LAMC1: variants seen among roughly 807,000 people sequenced by gnomAD.
The protein encoded by LAMC1 is laminin subunit gamma 1.
Under a neutral mutation model 173.6 loss-of-function variants are expected in LAMC1, and 38 were observed. The observed-to-expected ratio is 0.22, with a 90% CI of 0.17 to 0.29. The LOEUF (loss-of-function observed/expected upper bound fraction) is 0.29. Ranked by LOEUF, LAMC1 falls within the 10% of genes least tolerant of loss-of-function variation. The pLI is 1.00. For synonymous variants in LAMC1, 746 were observed against 749.1 expected (o/e 1.00, Z 0.07); for missense variants, 1,824 against 2,051.8 (o/e 0.89, Z 2.14).
chr1:183,024,009 A>T lies in LAMC1; in HGVS notation c.293A>T (p.His98Leu). ...CACCTGTGCGACGCCGGGCAGCCCC[A>T]CCTGCAGCACGGGGCAGCCTTCCTG... is the stretch of plus-strand genomic sequence containing the variant. Reference protein sequence around the residue: ...SCHLCDAGQPHLQHGAAFLTD... With the variant: ...SCHLCDAGQPLLQHGAAFLTD... Residue 98 changes from histidine to leucine, a missense_variant, in exon 1 of 28, where the codon CAC becomes CTC. By Grantham distance (99) the His-to-Leu change is moderately conservative (BLOSUM62 -3). Transcript: ENST00000258341. The T allele has an allele frequency of 2.5e-6, 4 of 1,613,042 alleles. No homozygotes were observed. The South Asian group carries it at 4.4e-5, about 18-fold the overall frequency.
rs78682173 is a variant in LAMC1 at position 183,047,160 on chromosome 1, G to T, written c.418+23026G>T. On this transcript the variant is annotated intron_variant, in intron 1 of 27. Transcript: ENST00000258341. Reference sequence around the variant, plus strand: ...GGTAAAATTAGCTACCAAATTAGTTGCTGTTCATACTGTTTGATGCAATAA... The same window carrying T: ...GGTAAAATTAGCTACCAAATTAGTTTCTGTTCATACTGTTTGATGCAATAA... 1.7e-3 allele frequency among the ~76,000 whole-genome samples: 254 copies of T among 152,178 alleles called. 1 individual carries two copies. Among genetic ancestry groups the T allele is most frequent in the African/African-American group, 5.8e-3 (240 of 41,542 alleles).
At position 183,131,393 on chromosome 1, in the gene LAMC1, C is replaced by G; in HGVS notation, c.3566+15C>G. On this transcript the variant is annotated intron_variant, in intron 20 of 27. Coordinates refer to ENST00000258341, the MANE Select transcript of LAMC1 (RefSeq NM_002293.4). Reference sequence around the variant, plus strand: ...CTTGCTGAACGGTAACTTCTAGATCCCTGTTTAATGGTTAAGTTGTGGCTT... The same window carrying G: ...CTTGCTGAACGGTAACTTCTAGATCGCTGTTTAATGGTTAAGTTGTGGCTT... 6.3e-7 allele frequency: 1 copy of G among 1,578,696 alleles called. No homozygotes were observed. Among genetic ancestry groups the G allele is most frequent in the Non-Finnish European group, 8.7e-7 (1 of 1,155,438 alleles).
At chr1:183,140,077 A>G (rs191027812) in intron 26 of LAMC1, among the ~76,000 whole-genome samples, 8 of 151,638 alleles carry the variant, frequency 5.3e-5, no homozygotes, top group Admixed American at 4.6e-4. Context: ...AGGCTTTACT[A>G]TGAATATACC....
At position 183,119,228 on chromosome 1, in the gene LAMC1, CA is replaced by C. The variant is rs1187219777; in HGVS notation, c.1990+1084del. On this transcript the variant is annotated intron_variant, in intron 11 of 27. Transcript: ENST00000258341. ...TTTTTTCTTAAAAAAAAGTTTTAAACAAGGACCTTTTTCTCTAGCAAGGTAC... is the reference window on the plus strand; with the variant it reads ...TTTTTTCTTAAAAAAAAGTTTTAAACAGGACCTTTTTCTCTAGCAAGGTAC... Among the ~76,000 whole-genome samples the C allele has an allele frequency of 9.9e-5, 15 of 152,186 alleles. No individual in the cohort carries two copies. In the East Asian group the frequency reaches 2.7e-3, roughly 27 times the overall value.
intron 1 of LAMC1, among the ~76,000 whole-genome samples, chr1:183,098,458 A>C (rs1404709290): frequency 6.6e-6 from 1 of 152,158 alleles, no homozygotes; most frequent in Non-Finnish European, 1.5e-5. Flanking sequence ...TTACATTGGC[A>C]GAGGGGATGC....
intron 26 of LAMC1, among the ~76,000 whole-genome samples, chr1:183,139,060 C>G (rs1286874362): frequency 6.6e-6 from 1 of 151,772 alleles, no homozygotes; most frequent in Non-Finnish European, 1.5e-5. Flanking sequence ...ACAAAAATTC[C>G]CATAAAAAAA....
intron 1 of LAMC1, among the ~76,000 whole-genome samples, chr1:183,093,283 G>A (rs1300062944): frequency 6.6e-6 from 1 of 152,148 alleles, no homozygotes; most frequent in Non-Finnish European, 1.5e-5. Flanking sequence ...ACACCTCCAG[G>A]TTGCCAAATC....
rs540499937 is a variant in LAMC1 at position 183,087,638 on chromosome 1, G to C, written c.419-15690G>C. On this transcript the variant is annotated intron_variant, in intron 1 of 27. Coordinates refer to ENST00000258341, the MANE Select transcript of LAMC1 (RefSeq NM_002293.4). ...GCTTATCACATGCTCATGGCTGAAG[G>C]AGTTCTTCTGGAAAGCCAGAGCTGC... 1.4e-4 allele frequency among the ~76,000 whole-genome samples: 22 copies of C among 152,192 alleles called. No individual in the cohort carries two copies. In the South Asian group the frequency reaches 4.6e-3, roughly 32 times the overall value.
intron 4 of LAMC1, among the ~76,000 whole-genome samples, chr1:183,111,986 T>G (rs1013973196): frequency 7.2e-5 from 11 of 151,994 alleles, no homozygotes; most frequent in African/African-American, 2.7e-4. Flanking sequence ...TTGCAGTGAG[T>G]CAAGATTGCG....
In LAMC1 at chr1:183,032,092, A is replaced by G. The variant is rs185197171; in HGVS notation, c.418+7958A>G. 3.3e-3 allele frequency among the ~76,000 whole-genome samples: 499 copies of G among 152,366 alleles called. 3 individuals are homozygous for G. The highest frequency in any genetic ancestry group is 0.011 in the African/African-American group (478 of 41,592). On this transcript the variant is annotated intron_variant, in intron 1 of 27. Transcript: ENST00000258341. ...TTTATAGAAACATTCCTGAGATTTTAGAGTACTGCACCAGACTAGGGTGGC... is the reference window on the plus strand; with the variant it reads ...TTTATAGAAACATTCCTGAGATTTTGGAGTACTGCACCAGACTAGGGTGGC...
chr1:183,051,185 G>T (rs1263306660), intron 1 of LAMC1, among the ~76,000 whole-genome samples: 1 of 152,172 alleles, frequency 6.6e-6, no homozygotes, highest in Non-Finnish European at 1.5e-5. Flanking sequence ...TGTGGACTGG[G>T]CTGTGACTGC....
chr1:183,133,390 A>T lies in LAMC1; in HGVS notation c.3705-16A>T, dbSNP rs560011878. On this transcript the variant is annotated splice_polypyrimidine_tract_variant and intron_variant, in intron 21 of 27. Coordinates refer to ENST00000258341, the MANE Select transcript of LAMC1 (RefSeq NM_002293.4). ...GCAGCTAAGATTGTCATTAAACCAC[A>T]TTATTTGTGTCTTAGGTATGAACAA... 1 of 1,605,574 alleles carries T rather than the reference A, an allele frequency of 6.2e-7. No homozygotes were observed. The highest frequency in any genetic ancestry group is 2.2e-5 in the East Asian group (1 of 44,636).
intron 26 of LAMC1, among the ~76,000 whole-genome samples, chr1:183,139,231 A>G (rs1657035851): frequency 1.3e-5 from 2 of 152,198 alleles, no homozygotes; most frequent in African/African-American, 4.8e-5. Flanking sequence ...ATCTTTTATT[A>G]TTTTGGTAAA....
chr1:183,071,609 C>T (rs1198182635), intron 1 of LAMC1, among the ~76,000 whole-genome samples: 3 of 152,326 alleles, frequency 2.0e-5, no homozygotes, highest in Admixed American at 6.5e-5. Context: ...ACACACAGCT[C>T]AGCTGAAGTA....
chr1:183,048,641 C>G (rs921703025), intron 1 of LAMC1, among the ~76,000 whole-genome samples: 1 of 152,138 alleles, frequency 6.6e-6, no homozygotes. Context: ...CACATGTACA[C>G]CACCCACCCC....
chr1:183,041,467 T>A (rs1654130804), intron 1 of LAMC1, among the ~76,000 whole-genome samples: 1 of 152,218 alleles, frequency 6.6e-6, no homozygotes, highest in Non-Finnish European at 1.5e-5. Context: ...TGCCTTTATG[T>A]CATTTGATGT....
chr1:183,045,539 C>A (rs1654246025), intron 1 of LAMC1, among the ~76,000 whole-genome samples: 1 of 151,950 alleles, frequency 6.6e-6, no homozygotes, highest in East Asian at 1.9e-4. Context: ...ATTTGCATTC[C>A]TGTCTAGTTA....
intron 22 of LAMC1, 129 bp from the exon 23 acceptor site, chr1:183,134,531 A>C (rs1656884353): frequency 1.5e-6 from 1 of 658,476 alleles, no homozygotes; most frequent in Admixed American, 3.3e-5. Flanking sequence ...AAAAGTCCAT[A>C]AAATCTTGAT....
At chr1:183,110,688 C>T (rs1243289541) in intron 4 of LAMC1, 34 bp downstream of exon 4, 21 of 1,602,502 alleles carry the variant, frequency 1.3e-5, no homozygotes, top group Non-Finnish European at 1.8e-5. Flanking sequence ...TGTCAGTTGT[C>T]TTAAGGACTT....
Sources: gnomAD v4.1 joint callset for allele counts (sites outside exome capture counted in the v4.1 genomes callset) on GRCh38, gnomAD v4.1.1 for gene constraint, MANE v1.5 for transcripts, NCBI Gene and HGNC (gene_info 2026-07-23, HGNC 2026-07-21) for gene names.